DIAPH3: variants seen among roughly 807,000 people sequenced by gnomAD.
The protein encoded by DIAPH3 is protein diaphanous homolog 3.
In DIAPH3, 117 loss-of-function variants were observed where a neutral mutation model predicts 144.3. The ratio of observed to expected loss-of-function variants is 0.81; its 90% CI spans 0.70 to 0.95. The LOEUF (loss-of-function observed/expected upper bound fraction) is 0.95. DIAPH3 is among the 40% of genes least tolerant of loss of function. The pLI is 0.00. For synonymous variants in DIAPH3, 519 were observed against 488.9 expected, an observed-to-expected ratio of 1.06 and a Z score of -0.81; for missense variants, 1,421 against 1,412.7, an observed-to-expected ratio of 1.01 and a Z score of -0.09.
At chr13:59,676,125 A>C (rs1405777734) in intron 27 of DIAPH3, among the ~76,000 whole-genome samples, 1 of 152,188 alleles carries the variant, frequency 6.6e-6, no homozygotes, top group Non-Finnish European at 1.5e-5. Flanking sequence ...TTTGATTCAC[A>C]GAATCATGTA....
intron 8 of DIAPH3, 31 bp from the exon 9 acceptor site, chr13:60,008,680 A>T: frequency 7.2e-7 from 1 of 1,379,966 alleles, no homozygotes; most frequent in Non-Finnish European, 1.0e-6. Context: ...ATTAAATTGC[A>T]AGTAGCAAAC....
chr13:59,772,656 CAA>C (rs2038184743), intron 27 of DIAPH3, among the ~76,000 whole-genome samples: 1 of 151,968 alleles, frequency 6.6e-6, no homozygotes, highest in Non-Finnish European at 1.5e-5. Flanking sequence ...GACCAGTGTA[CAA>C]AGTTATCTGA....
chr13:59,706,611 C>G (rs374494310), intron 27 of DIAPH3, among the ~76,000 whole-genome samples: 2 of 152,168 alleles, frequency 1.3e-5, no homozygotes, highest in East Asian at 3.8e-4. Flanking sequence ...ACAAACCCTA[C>G]TATAGAACTC....
chr13:60,135,795 G>C (rs1377976041), intron 1 of DIAPH3, among the ~76,000 whole-genome samples: 4 of 152,116 alleles, frequency 2.6e-5, no homozygotes, highest in African/African-American at 9.7e-5. Flanking sequence ...AACCACTAAA[G>C]ATAGGCTAGC....
chr13:60,042,559 T>C (rs866791626), intron 5 of DIAPH3, 131 bp downstream of exon 5: 4 of 1,086,442 alleles, frequency 3.7e-6, no homozygotes, highest in Non-Finnish European at 4.0e-6. Context: ...TCTTCCTGCA[T>C]ATAAATATTA....
chr13:59,794,853 T>A (rs755206266), intron 25 of DIAPH3, among the ~76,000 whole-genome samples: 3 of 152,230 alleles, frequency 2.0e-5, no homozygotes, highest in Non-Finnish European at 2.9e-5. Flanking sequence ...ATTTCTAACA[T>A]GCTGTTTAGG....
intron 5 of DIAPH3, among the ~76,000 whole-genome samples, chr13:60,041,724 T>G (rs1364038844): frequency 6.6e-6 from 1 of 152,220 alleles, no homozygotes; most frequent in Non-Finnish European, 1.5e-5. Context: ...TATATTCTTA[T>G]GCAGAAATAA....
At chr13:59,861,297 T>C in intron 22 of DIAPH3, 110 bp downstream of exon 22, 2 of 1,583,382 alleles carry the variant, frequency 1.3e-6, no homozygotes, top group South Asian at 2.3e-5. Flanking sequence ...AGATATTGGG[T>C]ATGAAAACAC....
intron 27 of DIAPH3, among the ~76,000 whole-genome samples, chr13:59,749,079 T>G (rs2036850991): frequency 6.6e-6 from 1 of 151,100 alleles, no homozygotes; most frequent in Non-Finnish European, 1.5e-5. Context: ...CCAGGTGTGG[T>G]GGCATGAACC....
chr13:59,838,401 T>C (rs1184547319), intron 23 of DIAPH3: 1 of 152,022 alleles, frequency 6.6e-6, no homozygotes, highest in Non-Finnish European at 1.5e-5. Flanking sequence ...TATATATGTG[T>C]GTGTGTGTGT....
intron 27 of DIAPH3, among the ~76,000 whole-genome samples, chr13:59,669,417 CAT>C (rs1179212092): frequency 2.0e-5 from 3 of 152,174 alleles, no homozygotes; most frequent in Non-Finnish European, 4.4e-5. Flanking sequence ...TTAACTCACT[CAT>C]AGAGGTGATC....
At chr13:59,858,832 A>G (rs371260111) in intron 22 of DIAPH3, among the ~76,000 whole-genome samples, 1 of 152,204 alleles carries the variant, frequency 6.6e-6, no homozygotes, top group African/African-American at 2.4e-5. Context: ...GTAAGCCATT[A>G]TATCTTAGAA....
chr13:59,670,872 C>A (rs2032335048), intron 27 of DIAPH3, among the ~76,000 whole-genome samples: 1 of 152,134 alleles, frequency 6.6e-6, no homozygotes, highest in African/African-American at 2.4e-5. Flanking sequence ...GTGTGAGCTA[C>A]TGCACCCGGC....
chr13:59,969,742 T>G (rs1021184659), intron 17 of DIAPH3, among the ~76,000 whole-genome samples: 1 of 152,190 alleles, frequency 6.6e-6, no homozygotes, highest in Non-Finnish European at 1.5e-5. Flanking sequence ...ATAATCAAAA[T>G]TTTATATTAA....
chr13:60,091,232 ACCT>A (rs2057920778), intron 4 of DIAPH3, among the ~76,000 whole-genome samples: 1 of 151,916 alleles, frequency 6.6e-6, no homozygotes, highest in African/African-American at 2.4e-5. Flanking sequence ...ATCACATTTC[ACCT>A]CCTATTACAT....
chr13:59,822,862 A>G (rs1453386809), intron 24 of DIAPH3, among the ~76,000 whole-genome samples: 1 of 152,138 alleles, frequency 6.6e-6, no homozygotes, highest in Non-Finnish European at 1.5e-5. Context: ...AATAATCTAG[A>G]AAAGGCCACT....
At chr13:59,769,336 G>A (rs1180492925) in intron 27 of DIAPH3, among the ~76,000 whole-genome samples, 2 of 152,126 alleles carry the variant, frequency 1.3e-5, no homozygotes, top group Non-Finnish European at 2.9e-5. Flanking sequence ...TCGTTGTATA[G>A]GCTCCACTAC....
chr13:60,156,034 A>G (rs993251707), intron 1 of DIAPH3, among the ~76,000 whole-genome samples: 2 of 152,218 alleles, frequency 1.3e-5, no homozygotes, highest in African/African-American at 4.8e-5. Flanking sequence ...AAAACAACAG[A>G]AATTCATTCT....
chr13:59,970,102 C>A, intron 16 of DIAPH3, 44 bp from the exon 17 acceptor site: 1 of 1,182,858 alleles, frequency 8.5e-7, no homozygotes, highest in Non-Finnish European at 1.2e-6. Context: ...GTGAGTGTTT[C>A]ACCTGTCCCA....
Sources: allele counts gnomAD v4.1 joint callset (sites outside exome capture counted in the v4.1 genomes callset), GRCh38; gene constraint gnomAD v4.1.1; transcripts MANE v1.5; gene names NCBI Gene and HGNC (gene_info 2026-07-23, HGNC 2026-07-21).